The following PCED1B variants were observed in gnomAD, a reference collection of about 807,000 sequenced individuals.
PCED1B encodes PC-esterase domain-containing protein 1B.
For missense variants in PCED1B, 573 were observed against 573.9 expected (o/e 1.00, Z 0.02); for synonymous variants, 251 against 246.1 (o/e 1.02, Z -0.19).
intron 1 of PCED1B, among the ~76,000 whole-genome samples, chr12:47,101,241 A>G (rs1428516986): frequency 6.6e-6 from 1 of 152,088 alleles, no homozygotes. Context: ...AGGAGAAGAC[A>G]TATTTACTTG....
At chr12:47,115,680 G>A (rs1302112144) in intron 2 of PCED1B, among the ~76,000 whole-genome samples, 2 of 152,294 alleles carry the variant, frequency 1.3e-5, no homozygotes, top group South Asian at 4.1e-4. Flanking sequence ...TAGAGATTAA[G>A]TTCTGTGTTC....
At chr12:47,112,560 G>A (rs1231356375) in intron 2 of PCED1B, among the ~76,000 whole-genome samples, 2 of 152,178 alleles carry the variant, frequency 1.3e-5, no homozygotes, top group Admixed American at 6.5e-5. Context: ...TTTAGCTGAA[G>A]CTTTGTTTGT....
At chr12:47,194,074 A>G (rs974382618) in intron 2 of PCED1B, among the ~76,000 whole-genome samples, 2 of 152,186 alleles carry the variant, frequency 1.3e-5, no homozygotes, top group Non-Finnish European at 2.9e-5. Context: ...ACCTCCTTGC[A>G]GGAGTGGCCG....
intron 1 of PCED1B, among the ~76,000 whole-genome samples, chr12:47,082,088 A>G (rs1387594513): frequency 6.6e-6 from 1 of 152,228 alleles, no homozygotes; most frequent in Non-Finnish European, 1.5e-5. Context: ...AGTTGATCTT[A>G]AGGTATAAGA....
At chr12:47,136,463 A>G (rs920497694) in intron 2 of PCED1B, among the ~76,000 whole-genome samples, 3 of 152,224 alleles carry the variant, frequency 2.0e-5, no homozygotes, top group Non-Finnish European at 4.4e-5. Context: ...GGATAAGTGA[A>G]TAATAAGAAG....
chr12:47,189,418 G>A (rs1265012450), intron 2 of PCED1B, among the ~76,000 whole-genome samples: 1 of 152,200 alleles, frequency 6.6e-6, no homozygotes, highest in Non-Finnish European at 1.5e-5. Context: ...CCTGTTTAGA[G>A]AAGAGCCTGT....
chr12:47,128,046 T>C (rs1462523611), intron 2 of PCED1B, among the ~76,000 whole-genome samples: 1 of 152,220 alleles, frequency 6.6e-6, no homozygotes, highest in Non-Finnish European at 1.5e-5. Flanking sequence ...CATGGTTGCA[T>C]CCTTCATTAA....
chr12:47,119,748 G>T (rs1001028024), intron 2 of PCED1B, among the ~76,000 whole-genome samples: 3 of 152,012 alleles, frequency 2.0e-5, no homozygotes, highest in African/African-American at 7.2e-5. Context: ...GGAGGTTGAG[G>T]CGTGTGGATC....
intron 2 of PCED1B, among the ~76,000 whole-genome samples, chr12:47,156,307 G>T (rs565186660): frequency 6.6e-6 from 1 of 152,270 alleles, no homozygotes; most frequent in East Asian, 1.9e-4. Context: ...CTGCTGGGTT[G>T]CCATGGCAGT....
intron 2 of PCED1B, among the ~76,000 whole-genome samples, chr12:47,177,585 C>T (rs1941964070): frequency 1.3e-5 from 2 of 152,096 alleles, no homozygotes; most frequent in African/African-American, 4.8e-5. Flanking sequence ...CTATGTTGTA[C>T]TGATGCCTTA....
intron 3 of PCED1B, among the ~76,000 whole-genome samples, chr12:47,229,923 C>A (rs1943748229): frequency 6.6e-6 from 1 of 151,744 alleles, no homozygotes; most frequent in South Asian, 2.1e-4. Flanking sequence ...GCACCCGCCA[C>A]CACACCCGGC....
At chr12:47,131,933 C>T (rs1266610456) in intron 2 of PCED1B, among the ~76,000 whole-genome samples, 1 of 152,080 alleles carries the variant, frequency 6.6e-6, no homozygotes. Context: ...TCCCAAAGTG[C>T]TGGGATTACA....
intron 2 of PCED1B, among the ~76,000 whole-genome samples, chr12:47,132,366 T>C (rs1940168050): frequency 6.6e-6 from 1 of 152,130 alleles, no homozygotes; most frequent in Admixed American, 6.6e-5. Flanking sequence ...TTTGATCTAG[T>C]ATATCCAAAT....
chr12:47,112,297 T>C (rs1592152955), intron 2 of PCED1B, among the ~76,000 whole-genome samples: 1 of 152,378 alleles, frequency 6.6e-6, no homozygotes, highest in East Asian at 1.9e-4. Context: ...CTCAGTCCAC[T>C]GAAAAGTGAC....
chr12:47,174,606 G>A (rs998938684), intron 2 of PCED1B, among the ~76,000 whole-genome samples: 11 of 152,070 alleles, frequency 7.2e-5, no homozygotes, highest in African/African-American at 1.4e-4. Flanking sequence ...TGCTCTTAGC[G>A]CCTCATCTAT....
At chr12:47,114,124 A>G (rs745856367) in intron 2 of PCED1B, among the ~76,000 whole-genome samples, 7 of 152,182 alleles carry the variant, frequency 4.6e-5, no homozygotes, top group Non-Finnish European at 1.5e-5. Flanking sequence ...ATGCAAAGCC[A>G]TAACACAGGA....
At chr12:47,184,456 A>G (rs832728) in intron 2 of PCED1B, among the ~76,000 whole-genome samples, 18,856 of 152,206 alleles carry the variant, frequency 0.12, 3,302 homozygotes, top group African/African-American at 0.39. Flanking sequence ...GCTCTCGGTA[A>G]CTGCTGCCAG....
At chr12:47,183,961 G>T (rs1439623135) in intron 2 of PCED1B, among the ~76,000 whole-genome samples, 1 of 152,218 alleles carries the variant, frequency 6.6e-6, no homozygotes, top group Non-Finnish European at 1.5e-5. Flanking sequence ...TCCTGCTGAG[G>T]CAGAGCTGAC....
chr12:47,162,465 T>G (rs952249372), intron 2 of PCED1B, among the ~76,000 whole-genome samples: 6 of 152,056 alleles, frequency 3.9e-5, no homozygotes, highest in African/African-American at 1.4e-4. Flanking sequence ...ACTTTGCATT[T>G]CTGTAAAGAA....
Sources: allele counts gnomAD v4.1 joint callset (sites outside exome capture counted in the v4.1 genomes callset), GRCh38; gene constraint gnomAD v4.1.1; transcripts MANE v1.5; gene names NCBI Gene and HGNC (gene_info 2026-07-23, HGNC 2026-07-21).